Variants in NR1H4 observed in about 807,000 individuals in gnomAD.
NR1H4 encodes the protein nuclear receptor subfamily 1 group H member 4, also known as bile acid receptor.
NR1H4 carries 23 observed loss-of-function variants against 58.5 expected under a neutral mutation model. The observed-to-expected ratio is 0.39, with a 90% CI of 0.28 to 0.56. NR1H4 has a LOEUF of 0.56. Ranked by LOEUF, NR1H4 falls within the 20% of genes least tolerant of loss-of-function variation. The pLI is 0.58. For missense variants in NR1H4, 487 were observed against 576.9 expected (o/e 0.84, Z 1.60); for synonymous variants, 214 against 198.0 (o/e 1.08, Z -0.68).
At chr12:100,484,193 T>C (rs1278131503) in intron 1 of NR1H4, among the ~76,000 whole-genome samples, 2 of 152,194 alleles carry the variant, frequency 1.3e-5, no homozygotes, top group African/African-American at 4.8e-5. Flanking sequence ...TGTCTTGATA[T>C]GTAGAGTTCA....
At chr12:100,508,680 A>T (rs1338568086) in intron 3 of NR1H4, among the ~76,000 whole-genome samples, 1 of 152,188 alleles carries the variant, frequency 6.6e-6, no homozygotes, top group Non-Finnish European at 1.5e-5. Flanking sequence ...AGTGCCTGCT[A>T]CTACGAAGAA....
At chr12:100,529,784 T>A (rs1254840690) in intron 4 of NR1H4, among the ~76,000 whole-genome samples, 6 of 152,216 alleles carry the variant, frequency 3.9e-5, no homozygotes, top group Admixed American at 6.5e-5. Flanking sequence ...GTCTATACAA[T>A]GCCTTTTCTT....
chr12:100,476,374 A>G (rs148881884), intron 1 of NR1H4, among the ~76,000 whole-genome samples: 1 of 152,328 alleles, frequency 6.6e-6, no homozygotes, highest in East Asian at 1.9e-4. Flanking sequence ...GGGAAACTGG[A>G]AAGTTTGGAG....
intron 9 of NR1H4, among the ~76,000 whole-genome samples, chr12:100,542,088 A>G (rs1954950312): frequency 6.6e-6 from 1 of 152,136 alleles, no homozygotes; most frequent in Admixed American, 6.5e-5. Flanking sequence ...GCTCACGCCT[A>G]TAATCCCAGA....
intron 1 of NR1H4, among the ~76,000 whole-genome samples, chr12:100,489,141 A>G (rs1365260788): frequency 6.6e-6 from 1 of 152,218 alleles, no homozygotes. Context: ...AATAGGCTAA[A>G]GTTGCTAATC....
rs186042009 is a variant in NR1H4 at position 100,512,558 on chromosome 12, G to A, written c.445+1415G>A. ...CAGGAGGCTGAGGCAGGAGAATGGCGTGAACCCGAGAGGCAGAGGTTGCAG... is the reference window on the plus strand; with the variant it reads ...CAGGAGGCTGAGGCAGGAGAATGGCATGAACCCGAGAGGCAGAGGTTGCAG... On this transcript the variant is annotated intron_variant, in intron 4 of 10. Coordinates refer to ENST00000392986, the MANE Select transcript of NR1H4 (RefSeq NM_001206979.2). Among the ~76,000 whole-genome samples the A allele has an allele frequency of 1.0e-3, 155 of 151,110 alleles. 1 individual carries two copies. The highest frequency in any genetic ancestry group is 3.5e-3 in the African/African-American group (145 of 41,180).
intron 7 of NR1H4, 91 bp from the exon 8 acceptor site, chr12:100,536,857 C>A: frequency 1.2e-6 from 1 of 814,822 alleles, no homozygotes; most frequent in Non-Finnish European, 2.0e-6. Flanking sequence ...CAAATTTTAT[C>A]ATCTAAACCT....
chr12:100,556,238 C>T (rs540602048), intron 9 of NR1H4, among the ~76,000 whole-genome samples: 20 of 152,138 alleles, frequency 1.3e-4, no homozygotes, highest in African/African-American at 2.2e-4. Flanking sequence ...GAGGCTGAGG[C>T]GGGTGGATCA....
chr12:100,563,320 A>T lies in NR1H4; in HGVS notation c.1262A>T (p.Lys421Met). The T allele has an allele frequency of 2.5e-6, 4 of 1,614,192 alleles. No homozygotes were observed. Among genetic ancestry groups the T allele is most frequent in the Non-Finnish European group, 3.4e-6 (4 of 1,180,040 alleles). The change falls in exon 11 of 11, where the codon AAG becomes ATG. Residue 421 changes from lysine (K) to methionine (M), a missense_variant. By Grantham distance (95) the Lys-to-Met change is moderately conservative. Transcript: ENST00000392986. ...GAGCCACTTCTTGATGTGCTACAAA[A>T]GTTGTGTAAGATTCACCAGCCTGAA... is the stretch of plus-strand genomic sequence containing the variant. ...LQEPLLDVLQ[K>M]LCKIHQPENP...
At chr12:100,543,532 G>A (rs902598355) in intron 9 of NR1H4, among the ~76,000 whole-genome samples, 4 of 151,790 alleles carry the variant, frequency 2.6e-5, no homozygotes, top group African/African-American at 9.7e-5. Context: ...ATGTTGTCAA[G>A]AAATATGGAT....
intron 4 of NR1H4, among the ~76,000 whole-genome samples, chr12:100,519,552 G>A (rs1004923909): frequency 6.6e-6 from 1 of 152,162 alleles, no homozygotes; most frequent in African/African-American, 2.4e-5. Flanking sequence ...TCAGGTGGGT[G>A]GGTTCTGATG....
intron 5 of NR1H4, 62 bp downstream of exon 5, chr12:100,532,672 C>T: frequency 6.8e-7 from 1 of 1,476,640 alleles, no homozygotes; most frequent in Non-Finnish European, 9.5e-7. Flanking sequence ...TGTCAGGTAA[C>T]TCATCACGAG....
At chr12:100,554,391 TAACACACA>T (rs1000943023) in intron 9 of NR1H4, among the ~76,000 whole-genome samples, 2 of 107,670 alleles carry the variant, frequency 1.9e-5, no homozygotes, top group Non-Finnish European at 3.6e-5. Context: ...TACTTGTAAA[TAACACACA>T]CACACACACA....
intron 9 of NR1H4, among the ~76,000 whole-genome samples, chr12:100,541,972 T>C (rs1365784826): frequency 2.6e-5 from 4 of 152,186 alleles, no homozygotes; most frequent in Admixed American, 6.5e-5. Context: ...CTATTATCAT[T>C]CCCATTTTTC....
chr12:100,536,614 T>G lies in NR1H4; in HGVS notation c.831+4T>G, dbSNP rs768706342. 7.0e-7 allele frequency: 1 copy of G among 1,438,070 alleles called. No individual in the cohort carries two copies. The highest frequency in any genetic ancestry group is 1.1e-5 in the South Asian group (1 of 87,416). 89.1% of individuals were successfully genotyped at this position (1,438,070 alleles called of 1,614,324 possible). ...TCAGGAAATAACAAATAAAATTGTA[T>G]GTATAATATCTGAAAATATGTGGGT... On this transcript the variant is annotated splice_donor_region_variant and intron_variant, in intron 7 of 10. Transcript: ENST00000392986.
intron 7 of NR1H4, 113 bp from the exon 8 acceptor site, chr12:100,536,835 A>G (rs1954825016): frequency 4.2e-6 from 3 of 720,532 alleles, no homozygotes. Flanking sequence ...GAGAAATAGT[A>G]AGATGGGTTT....
chr12:100,539,598 T>C (rs1954890355), intron 8 of NR1H4, among the ~76,000 whole-genome samples: 1 of 152,216 alleles, frequency 6.6e-6, no homozygotes, highest in Non-Finnish European at 1.5e-5. Context: ...AGCATGCACA[T>C]GAGCTTGTGT....
chr12:100,510,607 T>TTATATATATATATATATATA (rs34480475), intron 3 of NR1H4, among the ~76,000 whole-genome samples, 171 bp from the exon 4 acceptor site: 57 of 133,650 alleles, frequency 4.3e-4, no homozygotes, highest in African/African-American at 1.3e-3. Flanking sequence ...TCATTTAATT[T>TTATATATATATATATATATA]TATATATATA....
rs565177785 is a variant in NR1H4 at position 100,531,014 on chromosome 12, C to A, written c.446-1444C>A. Among the ~76,000 whole-genome samples, 36 of 152,192 alleles carry A rather than the reference C, an allele frequency of 2.4e-4. No homozygotes were observed. The South Asian group carries it at 7.5e-3, about 32-fold the overall frequency. On this transcript the variant is annotated intron_variant, in intron 4 of 10. Transcript: ENST00000392986. ...ACAGAGATTGTTAGATCAGAGAAAG[C>A]CATTATGGGGTTATCTTAGGTCCAT...
Sources: allele counts gnomAD v4.1 joint callset (sites outside exome capture counted in the v4.1 genomes callset), GRCh38; gene constraint gnomAD v4.1.1; transcripts MANE v1.5; gene names NCBI Gene and HGNC (gene_info 2026-07-23, HGNC 2026-07-21).